Variants in SYN3 observed in about 807,000 individuals in gnomAD.
SYN3 encodes synapsin III.
In SYN3, 35 loss-of-function variants were observed where a neutral mutation model predicts 65.8. The observed-to-expected ratio is 0.53, with a 90% confidence interval of 0.41 to 0.70. SYN3 has a LOEUF of 0.70. SYN3 is among the 30% of genes least tolerant of loss of function. The probability of loss-of-function intolerance (pLI) is 0.00; values close to 1 mark genes in which losing one functional copy is unlikely to be tolerated. For missense variants in SYN3, 680 were observed against 749.0 expected (o/e 0.91, Z 1.08); for synonymous variants, 270 against 292.9 (o/e 0.92, Z 0.80).
chr22:32,852,793 C>T (rs2048258725), intron 6 of SYN3, among the ~76,000 whole-genome samples: 1 of 152,138 alleles, frequency 6.6e-6, no homozygotes, highest in Non-Finnish European at 1.5e-5. Flanking sequence ...TTATTGCAAT[C>T]CCAAACTTGG....
At chr22:32,589,592 A>AC (rs2059100346) in intron 7 of SYN3, among the ~76,000 whole-genome samples, 3 of 152,170 alleles carry the variant, frequency 2.0e-5, no homozygotes, top group Non-Finnish European at 4.4e-5. Flanking sequence ...CAGTGATGAG[A>AC]ACCTCTTACC....
At chr22:32,569,261 A>ATCTATCTATCTGTCTGTCTG (rs1555898452) in intron 7 of SYN3, among the ~76,000 whole-genome samples, 106 of 136,956 alleles carry the variant, frequency 7.7e-4, no homozygotes, top group African/African-American at 2.7e-3. Context: ...TCCAAAATCT[A>ATCTATCTATCTGTCTGTCTG]TCTATCTATC....
chr22:33,041,599 G>C (rs1033608543), intron 1 of SYN3, among the ~76,000 whole-genome samples: 5 of 152,034 alleles, frequency 3.3e-5, no homozygotes, highest in Middle Eastern at 3.2e-3. Context: ...TGCCCGGCCT[G>C]CACTAGGAAC....
At chr22:32,751,100 C>T (rs947182397) in intron 6 of SYN3, among the ~76,000 whole-genome samples, 61 of 151,960 alleles carry the variant, frequency 4.0e-4, no homozygotes, top group African/African-American at 1.5e-3. Context: ...CAGCCCCCAG[C>T]CCCCAGCCCC....
intron 6 of SYN3, among the ~76,000 whole-genome samples, chr22:32,832,202 CAA>C: frequency 1.3e-5 from 2 of 152,334 alleles, no homozygotes; most frequent in Admixed American, 1.3e-4. Context: ...TGTCTTAACT[CAA>C]GTTTGACTTT....
intron 7 of SYN3, among the ~76,000 whole-genome samples, chr22:32,579,718 C>T (rs2058908277): frequency 6.6e-6 from 1 of 152,186 alleles, no homozygotes; most frequent in Non-Finnish European, 1.5e-5. Flanking sequence ...CCGCTTGGGT[C>T]ACTTGCTGCC....
chr22:32,914,242 C>T (rs1169022023), intron 4 of SYN3, among the ~76,000 whole-genome samples: 3 of 152,086 alleles, frequency 2.0e-5, no homozygotes, highest in East Asian at 1.9e-4. Context: ...ACAAAAAAGA[C>T]GAGTCATAGT....
intron 3 of SYN3, among the ~76,000 whole-genome samples, chr22:32,958,963 C>T (rs1047013548): frequency 6.6e-6 from 1 of 152,030 alleles, no homozygotes; most frequent in South Asian, 2.1e-4. Context: ...GAGGCTGAGG[C>T]GGGTGGATGA....
intron 6 of SYN3, among the ~76,000 whole-genome samples, chr22:32,761,533 C>T (rs986326343): frequency 2.1e-4 from 32 of 152,150 alleles, no homozygotes; most frequent in African/African-American, 7.7e-4. Flanking sequence ...TGGGATTTAG[C>T]CAGCTTGCTC....
chr22:32,804,441 A>G (rs75708893), intron 6 of SYN3, among the ~76,000 whole-genome samples: 2 of 152,332 alleles, frequency 1.3e-5, no homozygotes, highest in African/African-American at 4.8e-5. Context: ...CTTGGGACCC[A>G]CACAACCCCA....
chr22:32,679,097 G>A (rs1336588036), intron 6 of SYN3, among the ~76,000 whole-genome samples: 2 of 131,786 alleles, frequency 1.5e-5, no homozygotes. Context: ...CTGTCACCCA[G>A]GCTGGAGTGC....
intron 6 of SYN3, among the ~76,000 whole-genome samples, chr22:32,844,229 G>A (rs1055160381): frequency 6.6e-6 from 1 of 152,156 alleles, no homozygotes; most frequent in African/African-American, 2.4e-5. Flanking sequence ...GAGAGAGAGA[G>A]GGAGGGCAGC....
chr22:32,621,911 G>T (rs755724765), intron 6 of SYN3, among the ~76,000 whole-genome samples: 6 of 151,998 alleles, frequency 3.9e-5, no homozygotes, highest in Non-Finnish European at 7.4e-5. Context: ...CCATCCCAAT[G>T]CCCAGGTGAG....
At chr22:32,641,720 T>TA (rs1372232419) in intron 6 of SYN3, among the ~76,000 whole-genome samples, 1 of 151,720 alleles carries the variant, frequency 6.6e-6, no homozygotes, top group Non-Finnish European at 1.5e-5. Flanking sequence ...GAAAATGGTC[T>TA]AAAATTGAAG....
At position 32,868,632 on chromosome 22, in the gene SYN3, G is replaced by A. The variant is rs972602630; in HGVS notation, c.621+334C>T. ...ATGCCTGGCTAATTTTGTATTTTTA[G>A]TAGAGATGGGGTTTCTCCATGTCGG... On this transcript the variant is annotated intron_variant, in intron 5 of 13. Transcript: ENST00000358763. Among the ~76,000 whole-genome samples, 8 of 151,900 alleles carry A rather than the reference G, an allele frequency of 5.3e-5. No homozygotes were observed. The South Asian group carries it at 6.2e-4, about 12-fold the overall frequency.
chr22:32,675,204 A>G (rs2060423042), intron 6 of SYN3, among the ~76,000 whole-genome samples: 1 of 152,200 alleles, frequency 6.6e-6, no homozygotes, highest in African/African-American at 2.4e-5. Flanking sequence ...TTGGCCCCTG[A>G]CCTGGCTGGA....
chr22:32,513,764 T>TG lies in SYN3; in HGVS notation c.1670dup (p.Ser558LysfsTer2). On this transcript the variant is annotated frameshift_variant, in exon 14 of 14. Coordinates refer to ENST00000358763, the MANE Select transcript of SYN3 (RefSeq NM_003490.4). LOFTEE classifies it high-confidence loss of function. ...TTTCAGCCTTGGCCTCGTCTTCACT[T>TG]GGGGTCCCACGCTGGGAGGTGTCGG... 6.2e-7 allele frequency: 1 copy of TG among 1,614,160 alleles called. No homozygotes were observed. The highest frequency in any genetic ancestry group is 8.5e-7 in the Non-Finnish European group (1 of 1,180,036).
intron 1 of SYN3, among the ~76,000 whole-genome samples, chr22:33,007,982 C>G (rs2053241244): frequency 6.6e-6 from 1 of 151,846 alleles, no homozygotes; most frequent in African/African-American, 2.4e-5. Flanking sequence ...CATCACCCAG[C>G]CTGGAGTGCA....
At chr22:32,976,535 G>A (rs1213986798) in intron 3 of SYN3, among the ~76,000 whole-genome samples, 7 of 152,090 alleles carry the variant, frequency 4.6e-5, no homozygotes, top group Admixed American at 6.6e-5. Context: ...CCCACAGAGG[G>A]GTGACTTGTG....
Sources: allele counts gnomAD v4.1 joint callset (sites outside exome capture counted in the v4.1 genomes callset), GRCh38; gene constraint gnomAD v4.1.1; transcripts MANE v1.5; gene names NCBI Gene and HGNC (gene_info 2026-07-23, HGNC 2026-07-21).